Variants in MYO1C observed in about 807,000 individuals in gnomAD.
MYO1C encodes the protein myosin IC, also known as unconventional myosin-Ic.
A neutral mutation model predicts 150.8 loss-of-function variants in MYO1C; 104 were observed. The ratio of observed to expected loss-of-function variants is 0.69; its 90% confidence interval spans 0.59 to 0.81. The LOEUF (loss-of-function observed/expected upper bound fraction) is 0.81. Ranked by LOEUF, MYO1C falls within the 30% of genes least tolerant of loss-of-function variation. MYO1C has a pLI of 0.00. For missense variants in MYO1C, 1,504 were observed against 1,435.0 expected (o/e 1.05, Z -0.78); for synonymous variants, 663 against 579.9 (o/e 1.14, Z -2.06).
chr17:1,474,771 C>T, intron 16 of MYO1C, 41 bp downstream of exon 16: 2 of 1,610,276 alleles, frequency 1.2e-6, no homozygotes, highest in Non-Finnish European at 1.7e-6. Flanking sequence ...GAGCTGTGGG[C>T]TATCCCCACC....
At position 1,474,832 on chromosome 17, in the gene MYO1C, G is replaced by A; in HGVS notation, c.1696C>T (p.Leu566Phe). The A allele has an allele frequency of 6.2e-7, 1 of 1,613,974 alleles. No individual in the cohort carries two copies. Among genetic ancestry groups the A allele is most frequent in the Non-Finnish European group, 8.5e-7 (1 of 1,179,940 alleles). The change falls in exon 16 of 32, where the codon CTC becomes TTC. Residue 566 changes from leucine (L) to phenylalanine (F), a missense_variant. Coordinates refer to ENST00000648651, the MANE Select transcript of MYO1C (RefSeq NM_001080779.2). ...CTCACCTCCTTAAGGTTCCGGAAGA[G>A]AAGGTCATTGTTTTTGTCCAGAAAC... ...TGFLDKNNDLLFRNLKETMCS... is the reference protein window; with the variant it reads ...TGFLDKNNDLFFRNLKETMCS...
chr17:1,467,146 A>C, intron 31 of MYO1C, 96 bp downstream of exon 31: 1 of 1,149,052 alleles, frequency 8.7e-7, no homozygotes, highest in Non-Finnish European at 1.3e-6. Flanking sequence ...CTCTGGATGA[A>C]GGCCCATGGT....
chr17:1,469,822 C>G (rs2074261358), intron 24 of MYO1C, among the ~76,000 whole-genome samples: 1 of 152,146 alleles, frequency 6.6e-6, no homozygotes. Context: ...ATCACCCGAG[C>G]TCAGGAGTTC....
In MYO1C at chr17:1,483,745, G is replaced by A. The variant is rs1315524348; in HGVS notation, c.232-20C>T. The A allele has an allele frequency of 6.3e-7, 1 of 1,579,532 alleles. No homozygotes were observed. The highest frequency in any genetic ancestry group is 8.6e-7 in the Non-Finnish European group (1 of 1,157,058). ...GTAGGTCTGGGATCGGGGGAAGAGG[G>A]TCCAAAGTTTATCCCGGGCCAGGTG... On this transcript the variant is annotated intron_variant, in intron 2 of 31. Transcript: ENST00000648651.
In MYO1C at chr17:1,482,502, G is replaced by A. The variant is rs774037863; in HGVS notation, c.603C>T (p.Tyr201=). Reference sequence around the variant, plus strand: ...CCTTGAAGTCAAACTGCACATCCATGTACTTCCCGAACCTGCTGGAGTTAT... The same window carrying A: ...CCTTGAAGTCAAACTGCACATCCATATACTTCCCGAACCTGCTGGAGTTAT... ...RNDNSSRFGK[Y]MDVQFDFKGA... The change falls in exon 5 of 32, where the codon TAC becomes TAT. Residue 201 remains tyrosine, a synonymous_variant. Transcript: ENST00000648651. 8 of 1,613,934 alleles carry A rather than the reference G, an allele frequency of 5.0e-6. No individual in the cohort carries two copies. The highest frequency in any genetic ancestry group is 1.7e-6 in the Non-Finnish European group (2 of 1,179,970).
intron 1 of MYO1C, chr17:1,485,744 C>G (rs2074641193): frequency 8.9e-7 from 1 of 1,123,822 alleles, no homozygotes. Flanking sequence ...CGCTCCGCTG[C>G]CCGCGCTCCG....
At position 1,479,069 on chromosome 17, in the gene MYO1C, A is replaced by G. The variant is rs551802503; in HGVS notation, c.1093-334T>C. On this transcript the variant is annotated intron_variant, in intron 9 of 31. Coordinates refer to ENST00000648651, the MANE Select transcript of MYO1C (RefSeq NM_001080779.2). This position sits in a 1 kb window ranked among gnomAD's most constrained non-coding sequence, Gnocchi z 4.2. ...AGCTCTGTTGCCGTGATCTCGGCTC[A>G]CTGCAACCTCCACCTCCCGGGTTCA... is the stretch of plus-strand genomic sequence containing the variant. Among the ~76,000 whole-genome samples the G allele has an allele frequency of 2.6e-5, 4 of 152,098 alleles. No individual in the cohort carries two copies. The East Asian group carries it at 5.8e-4, about 22-fold the overall frequency.
In MYO1C at chr17:1,469,517, C is replaced by T; in HGVS notation, c.2610+14G>A. On this transcript the variant is annotated intron_variant, in intron 25 of 31. Coordinates refer to ENST00000648651, the MANE Select transcript of MYO1C (RefSeq NM_001080779.2). ...CTCCACTTCCTCATCCTCACCCAGC[C>T]CCGCTCTCCGTACCTGCTGCTTCCA... 1 of 1,600,780 alleles carries T rather than the reference C, an allele frequency of 6.2e-7. No homozygotes were observed. Among genetic ancestry groups the T allele is most frequent in the Non-Finnish European group, 8.5e-7 (1 of 1,172,334 alleles).
chr17:1,481,826 T>TA (rs36123893), intron 5 of MYO1C, among the ~76,000 whole-genome samples: 72,031 of 134,462 alleles, frequency 0.54, 19,868 homozygotes, highest in African/African-American at 0.7. Flanking sequence ...TACTCAGAGT[T>TA]AAAAAAAAAA....
chr17:1,484,710 C>G (rs1345076029), intron 1 of MYO1C: 1 of 380,356 alleles, frequency 2.6e-6, no homozygotes, highest in Admixed American at 3.7e-5. Context: ...CTCTGTTGAG[C>G]TTGGACCAAT....
intron 16 of MYO1C, 33 bp downstream of exon 16, chr17:1,474,779 A>ACCCCCCCCCCCCCC: frequency 4.1e-6 from 4 of 969,126 alleles, no homozygotes; most frequent in Non-Finnish European, 4.7e-6. Flanking sequence ...GGCTATCCCC[A>ACCCCCCCCCCCCCC]CCCCCACCCC....
chr17:1,474,793 C>CA lies in MYO1C; in HGVS notation c.1716+18_1716+19insT. On this transcript the variant is annotated intron_variant, in intron 16 of 31. Coordinates refer to ENST00000648651, the MANE Select transcript of MYO1C (RefSeq NM_001080779.2). ...GGGCTATCCCCACCCCCACCCCGGC[C>CA]TCCCCACGTCCTCCTCACCTCCTTA... 1 of 1,606,470 alleles carries CA rather than the reference C, an allele frequency of 6.2e-7. No individual in the cohort carries two copies. Among genetic ancestry groups the CA allele is most frequent in the South Asian group, 1.1e-5 (1 of 90,954 alleles).
In MYO1C at chr17:1,492,659, C is replaced by G. The variant is rs2074749311; in HGVS notation, c.-172G>C. Reference sequence around the variant, plus strand: ...AGGGGATGTGGCTGGTCCAGCTCCTCAGGACACGGCTGGAGCCGTCCAGGT... The same window carrying G: ...AGGGGATGTGGCTGGTCCAGCTCCTGAGGACACGGCTGGAGCCGTCCAGGT... On this transcript the variant is annotated 5_prime_UTR_variant, in exon 1 of 32. Transcript: ENST00000648651. The G allele has an allele frequency of 1.5e-6, 1 of 670,902 alleles. No individual in the cohort carries two copies. Among genetic ancestry groups the G allele is most frequent in the Non-Finnish European group, 2.7e-6 (1 of 375,650 alleles). 41.6% of individuals were successfully genotyped at this position (670,902 alleles called of 1,614,324 possible).
chr17:1,482,564 A>G lies in MYO1C; in HGVS notation c.547-6T>C, dbSNP rs780009812. On this transcript the variant is annotated splice_region_variant and splice_polypyrimidine_tract_variant and intron_variant, in intron 4 of 31. Coordinates refer to ENST00000648651, the MANE Select transcript of MYO1C (RefSeq NM_001080779.2). ...GTCTTGGCATTTCCAAAGGCCTAGG[A>G]GTGGACAGGGGTATGAGGGACACCT... 1 of 1,612,914 alleles carries G rather than the reference A, an allele frequency of 6.2e-7. No individual in the cohort carries two copies.
intron 31 of MYO1C, 142 bp from the exon 32 acceptor site, chr17:1,465,894 T>TGGGCTCAAGCTGTCCTCCC (rs1417769243): frequency 3.5e-6 from 2 of 565,748 alleles, no homozygotes; most frequent in Non-Finnish European, 5.3e-6. Flanking sequence ...CTTGGACTCC[T>TGGGCTCAAGCTGTCCTCCC]GGGCTCAAGC....
rs1039705218 is a variant in MYO1C at position 1,491,649 on chromosome 17, G to A, written c.75+764C>T. ...GGGGCCGGGCTGGGCGGCGTGGCGG[G>A]CTTGGGGATCCGCGGCCCGGGCGCA... On this transcript the variant is annotated intron_variant, in intron 1 of 31. Transcript: ENST00000648651. The A allele has an allele frequency of 6.1e-6, 6 of 980,854 alleles. No homozygotes were observed. In the African/African-American group the frequency reaches 1.1e-4, roughly 17 times the overall value. 60.8% of individuals were successfully genotyped at this position (980,854 alleles called of 1,614,324 possible).
Position 1,467,634 on chromosome 17 carries a change from G to A in MYO1C, c.2968-57C>T, listed in dbSNP as rs1436812690. The A allele has an allele frequency of 1.1e-3, 1,044 of 941,304 alleles. 3 individuals carry two copies. Among genetic ancestry groups the A allele is most frequent in the Admixed American group, 3.2e-3 (109 of 33,908 alleles). The allele number at this position is 941,304 out of a possible 1,614,324, so 58.3% of individuals were successfully genotyped here. Reference sequence around the variant, plus strand: ...CCTGCCCAGAACTTGAGGAACCCCCGCCCCACCTCCCCATCCACCTCCTGA... The same window carrying A: ...CCTGCCCAGAACTTGAGGAACCCCCACCCCACCTCCCCATCCACCTCCTGA... On this transcript the variant is annotated intron_variant, in intron 29 of 31. Coordinates refer to ENST00000648651, the MANE Select transcript of MYO1C (RefSeq NM_001080779.2).
At chr17:1,488,617 C>T (rs921610349) in intron 1 of MYO1C, among the ~76,000 whole-genome samples, 2 of 152,236 alleles carry the variant, frequency 1.3e-5, no homozygotes, top group Admixed American at 6.5e-5. Context: ...GGCACTGGAA[C>T]ACCTTACTGC....
In MYO1C at chr17:1,472,215, A is replaced by G. The variant is rs1195501880; in HGVS notation, c.1811T>C (p.Phe604Ser). The change falls in exon 18 of 32, where the codon TTC (phenylalanine) becomes TCC (serine). Residue 604 changes from phenylalanine (F) to serine (S), a missense_variant. Phe to Ser is a radical substitution (Grantham distance 155). Transcript: ENST00000648651. ...KKRPETVATQ[F>S]KMSLLQLVEI... ...CACCAGCTGCAGGAGGCTCATCTTG[A>G]ACTGGGTGGCGACCTGGCGAGCCAA... 4 of 1,613,928 alleles carry G rather than the reference A, an allele frequency of 2.5e-6. No individual in the cohort carries two copies. Among genetic ancestry groups the G allele is most frequent in the Non-Finnish European group, 3.4e-6 (4 of 1,179,992 alleles).
Sources: gnomAD v4.1 joint callset for allele counts (sites outside exome capture counted in the v4.1 genomes callset) on GRCh38, gnomAD v4.1.1 for gene constraint, Gnocchi (gnomAD v3.1) non-coding constraint, MANE v1.5 for transcripts, NCBI Gene and HGNC (gene_info 2026-07-23, HGNC 2026-07-21) for gene names.